The following RGS8 variants were observed in gnomAD, a reference collection of about 807,000 sequenced individuals.
RGS8 encodes the protein regulator of G-protein signaling 8.
In RGS8, 8 loss-of-function variants were observed where a neutral mutation model predicts 21.7. That is an observed-to-expected ratio of 0.37 (90% confidence interval 0.22 to 0.66). The LOEUF (loss-of-function observed/expected upper bound fraction) is 0.66, where lower values mean the gene tolerates loss of function less well. Ranked by LOEUF, RGS8 falls within the 30% of genes least tolerant of loss-of-function variation. The probability of loss-of-function intolerance (pLI) is 0.59; values close to 1 mark genes in which losing one functional copy is unlikely to be tolerated. For synonymous variants in RGS8, 80 were observed against 83.6 expected, an observed-to-expected ratio of 0.96 and a Z score of 0.24; for missense variants, 157 against 217.9, an observed-to-expected ratio of 0.72 and a Z score of 1.76.
At chr1:182,722,790 C>G in the RGS8 span, among the ~76,000 whole-genome samples, 1 of 152,016 alleles carries the variant, frequency 6.6e-6, no homozygotes. Context: ...CCCTGGCTAA[C>G]ACGGTGAAAC....
chr1:182,710,092 G>A, the RGS8 span, among the ~76,000 whole-genome samples: 1 of 152,156 alleles, frequency 6.6e-6, no homozygotes. Flanking sequence ...TACCAGCGAA[G>A]GATACAGGAA....
the RGS8 span, among the ~76,000 whole-genome samples, chr1:182,741,340 C>A: frequency 8.2e-6 from 1 of 122,172 alleles, no homozygotes; most frequent in African/African-American, 3.3e-5. Flanking sequence ...CCGGACGGGG[C>A]GGCTGGCCGG....
chr1:182,689,013 G>A (rs1331838972), upstream of RGS8, among the ~76,000 whole-genome samples: 1 of 152,202 alleles, frequency 6.6e-6, no homozygotes, highest in Non-Finnish European at 1.5e-5. Context: ...TTAAGTCACT[G>A]TGTCCGTGGT....
upstream of RGS8, among the ~76,000 whole-genome samples, chr1:182,677,644 C>T (rs1664408278): frequency 6.6e-6 from 1 of 152,202 alleles, no homozygotes; most frequent in Non-Finnish European, 1.5e-5. Context: ...TCTCTGTTAC[C>T]TTTCTCATTT....
chr1:182,696,080 A>T, the RGS8 span, among the ~76,000 whole-genome samples: 5 of 152,178 alleles, frequency 3.3e-5, no homozygotes, highest in Admixed American at 1.3e-4. Context: ...TGTACTAAGG[A>T]TACATTTGCT....
the RGS8 span, among the ~76,000 whole-genome samples, chr1:182,749,206 A>G: frequency 2.0e-5 from 3 of 152,200 alleles, no homozygotes; most frequent in Admixed American, 6.5e-5. Context: ...GTTGTCTTCT[A>G]GTCGTTTCAT....
the RGS8 span, among the ~76,000 whole-genome samples, chr1:182,737,390 G>A: frequency 4.6e-5 from 7 of 152,028 alleles, no homozygotes; most frequent in African/African-American, 1.7e-4. Flanking sequence ...TGTCCCCACC[G>A]AAATCTCATC....
chr1:182,669,562 G>A, intron 3 of RGS8, 62 bp downstream of exon 4: 1 of 1,612,188 alleles, frequency 6.2e-7, no homozygotes, highest in South Asian at 1.1e-5. Flanking sequence ...AACAGAGGGT[G>A]TGACAAGGTG....
intron 5 of RGS8, among the ~76,000 whole-genome samples, chr1:182,655,526 A>ATCTCTCAT (rs1465245780): frequency 6.6e-6 from 1 of 152,206 alleles, no homozygotes; most frequent in African/African-American, 2.4e-5. Flanking sequence ...TGGTGAACTC[A>ATCTCTCAT]TAGCCAGCTC....
the RGS8 span, among the ~76,000 whole-genome samples, chr1:182,736,925 T>C: frequency 6.6e-6 from 1 of 152,216 alleles, no homozygotes; most frequent in Admixed American, 6.5e-5. Flanking sequence ...CTGCAGCTGC[T>C]ATCACAAATT....
At chr1:182,749,882 C>T in the RGS8 span, among the ~76,000 whole-genome samples, 1 of 152,166 alleles carries the variant, frequency 6.6e-6, no homozygotes, top group Non-Finnish European at 1.5e-5. Context: ...GCTCTCCCTT[C>T]CCTGATGCCC....
exon 2 of RGS8, chr1:182,671,665 G>T: frequency 6.2e-7 from 1 of 1,614,050 alleles, no homozygotes; most frequent in Non-Finnish European, 8.5e-7. Flanking sequence ...ACTGTCTTTG[G>T]CCAGTCCTCA....
chr1:182,740,746 G>A, the RGS8 span, among the ~76,000 whole-genome samples: 3 of 149,878 alleles, frequency 2.0e-5, no homozygotes, highest in Non-Finnish European at 3.0e-5. Flanking sequence ...ATTAGGGAGT[G>A]GTGATGACTC....
At chr1:182,683,725 C>A (rs1311310010) in intron 1 of RGS8, among the ~76,000 whole-genome samples, 1 of 151,670 alleles carries the variant, frequency 6.6e-6, no homozygotes, top group Non-Finnish European at 1.5e-5. Flanking sequence ...TAGGAGGCAA[C>A]CGTGCCCTCA....
chr1:182,645,039 T>C (rs1179043101), downstream of RGS8: 1 of 152,206 alleles, frequency 6.6e-6, no homozygotes, highest in Non-Finnish European at 1.5e-5. Flanking sequence ...CTAGTGGGAC[T>C]CAAGGGCTTT....
chr1:182,706,529 C>CAT, the RGS8 span, among the ~76,000 whole-genome samples: 4 of 151,928 alleles, frequency 2.6e-5, no homozygotes, highest in South Asian at 8.3e-4. Flanking sequence ...TACAGTGGTA[C>CAT]GATCTCAGCT....
chr1:182,747,418 C>G, the RGS8 span, among the ~76,000 whole-genome samples: 1 of 152,108 alleles, frequency 6.6e-6, no homozygotes, highest in Non-Finnish European at 1.5e-5. Flanking sequence ...TTTCACAAGT[C>G]TTTCCAGTGG....
chr1:182,705,708 G>A, the RGS8 span, among the ~76,000 whole-genome samples: 1 of 135,532 alleles, frequency 7.4e-6, no homozygotes, highest in Non-Finnish European at 1.6e-5. Flanking sequence ...AATGTGTAGG[G>A]TGAAGTTCCA....
upstream of RGS8, among the ~76,000 whole-genome samples, chr1:182,689,296 C>T (rs927379618): frequency 6.7e-5 from 10 of 149,796 alleles, no homozygotes; most frequent in African/African-American, 2.5e-4. Flanking sequence ...CACACACACA[C>T]ACACACACAC....
Sources: allele counts gnomAD v4.1 joint callset (sites outside exome capture counted in the v4.1 genomes callset), GRCh38; gene constraint gnomAD v4.1.1; transcripts MANE v1.5; gene names NCBI Gene and HGNC (gene_info 2026-07-23, HGNC 2026-07-21).